The following SGCD variants were observed in gnomAD, a reference collection of about 807,000 sequenced individuals.
SGCD encodes sarcoglycan delta, also known as delta-sarcoglycan.
A neutral mutation model predicts 36.6 loss-of-function variants in SGCD; 18 were observed. That is an observed-to-expected ratio of 0.49 (90% CI 0.34 to 0.73). The LOEUF is 0.73. SGCD is among the 30% of genes least tolerant of loss of function. The pLI, the probability that SGCD is intolerant of heterozygous loss-of-function variation, is 0.01. For missense variants in SGCD, 387 were observed against 346.7 expected, an observed-to-expected ratio of 1.12 and a Z score of -0.92; for synonymous variants, 133 against 130.6, an observed-to-expected ratio of 1.02 and a Z score of -0.12.
the SGCD span, among the ~76,000 whole-genome samples, chr5:155,800,588 T>TTG: frequency 3.6e-4 from 2 of 5,554 alleles, no homozygotes. Context: ...GCTTATAACA[T>TTG]TTTTTTTTCA....
chr5:155,826,574 G>A, the SGCD span, among the ~76,000 whole-genome samples: 1 of 152,128 alleles, frequency 6.6e-6, no homozygotes, highest in African/African-American at 2.4e-5. Flanking sequence ...TGTTCCCTCT[G>A]TCTGAATGAC....
chr5:156,420,491 T>C (rs1286176294), intron 3 of SGCD, among the ~76,000 whole-genome samples: 1 of 152,170 alleles, frequency 6.6e-6, no homozygotes, highest in East Asian at 1.9e-4. Context: ...TATTACTTAT[T>C]TTGTGTGGAT....
chr5:156,416,064 C>G (rs1484145215), intron 3 of SGCD, among the ~76,000 whole-genome samples: 1 of 152,172 alleles, frequency 6.6e-6, no homozygotes, highest in Non-Finnish European at 1.5e-5. Flanking sequence ...TAATAATCAT[C>G]ACTGCACATA....
intron 1 of SGCD, among the ~76,000 whole-genome samples, chr5:156,028,911 C>G (rs759334284): frequency 7.9e-5 from 12 of 152,092 alleles, no homozygotes; most frequent in Admixed American, 2.0e-4. Flanking sequence ...CCACTCAGCA[C>G]GAAATCACAA....
chr5:155,765,258 C>A, the SGCD span, among the ~76,000 whole-genome samples: 3 of 146,544 alleles, frequency 2.0e-5, no homozygotes, highest in African/African-American at 5.1e-5. Context: ...GCAGTCTGGG[C>A]AATAGGGCAA....
intron 1 of SGCD, among the ~76,000 whole-genome samples, chr5:156,327,732 T>C (rs1580824848): frequency 6.6e-6 from 1 of 152,220 alleles, no homozygotes; most frequent in Non-Finnish European, 1.5e-5. Context: ...GATGACACTT[T>C]CAGAGTGTCG....
At chr5:155,965,531 T>G (rs866817970) in intron 1 of SGCD, among the ~76,000 whole-genome samples, 29 of 152,212 alleles carry the variant, frequency 1.9e-4, no homozygotes, top group Middle Eastern at 3.4e-3. Flanking sequence ...AGCATTACAC[T>G]GAAGGGTGTA....
chr5:156,729,345 C>T (rs1264908335), intron 7 of SGCD, among the ~76,000 whole-genome samples: 2 of 152,082 alleles, frequency 1.3e-5, no homozygotes, highest in Non-Finnish European at 2.9e-5. Context: ...CCTTAGTTTA[C>T]TCTCTATCTC....
intron 7 of SGCD, among the ~76,000 whole-genome samples, chr5:156,715,049 A>G (rs1256455487): frequency 1.3e-5 from 2 of 152,218 alleles, no homozygotes; most frequent in Non-Finnish European, 2.9e-5. Context: ...ATTGAGCCAT[A>G]GAAGTTGACA....
At chr5:156,522,736 TAA>T (rs11351184) in intron 4 of SGCD, among the ~76,000 whole-genome samples, 78 of 145,900 alleles carry the variant, frequency 5.3e-4, no homozygotes, top group African/African-American at 8.4e-4. Flanking sequence ...CCCCAGCACT[TAA>T]AAAAAAAAAA....
At chr5:156,188,061 G>A (rs991611) in intron 3 of SGCD, among the ~76,000 whole-genome samples, 43,755 of 152,010 alleles carry the variant, frequency 0.29, 6,755 homozygotes, top group East Asian at 0.6. Flanking sequence ...TAGTGCAGGG[G>A]GGCCTAAGAG....
At chr5:156,748,984 C>T (rs1015740362) in intron 7 of SGCD, among the ~76,000 whole-genome samples, 3 of 151,838 alleles carry the variant, frequency 2.0e-5, no homozygotes, top group Non-Finnish European at 4.4e-5. Context: ...AGGCTGGTCT[C>T]GAAATGCTGA....
chr5:156,078,539 T>TTA (rs1328874038), intron 1 of SGCD, among the ~76,000 whole-genome samples: 16 of 139,552 alleles, frequency 1.1e-4, no homozygotes, highest in African/African-American at 4.0e-4. Flanking sequence ...ATATATATAT[T>TTA]TATTTATATA....
chr5:156,069,990 G>A (rs1241753407), intron 1 of SGCD, among the ~76,000 whole-genome samples: 1 of 152,026 alleles, frequency 6.6e-6, no homozygotes, highest in Non-Finnish European at 1.5e-5. Flanking sequence ...TGTATCCTGA[G>A]AGTTTACCAA....
chr5:156,339,885 A>G (rs897957405), intron 2 of SGCD, among the ~76,000 whole-genome samples: 2 of 152,228 alleles, frequency 1.3e-5, no homozygotes, highest in Admixed American at 6.5e-5. Context: ...TAACTGCCTC[A>G]CATACATTTT....
At chr5:156,383,967 G>A (rs1288792294) in intron 3 of SGCD, among the ~76,000 whole-genome samples, 3 of 152,188 alleles carry the variant, frequency 2.0e-5, no homozygotes, top group Admixed American at 1.3e-4. Context: ...TTGACTGAAT[G>A]TCAAGTCTTC....
At chr5:156,621,003 GGAAGTAGCATCAACAA>G (rs1762224618) in intron 6 of SGCD, among the ~76,000 whole-genome samples, 1 of 152,184 alleles carries the variant, frequency 6.6e-6, no homozygotes, top group Non-Finnish European at 1.5e-5. Context: ...AAAAATGAAA[GGAAGTAGCATCAACAA>G]GAAGCTTCTT....
the SGCD span, among the ~76,000 whole-genome samples, chr5:155,784,174 C>A: frequency 1.3e-5 from 2 of 152,110 alleles, no homozygotes; most frequent in Non-Finnish European, 2.9e-5. Flanking sequence ...AGCCTGGCAC[C>A]CCTCTAGGCC....
At chr5:156,042,308 G>A (rs1017246128) in intron 1 of SGCD, among the ~76,000 whole-genome samples, 9 of 151,968 alleles carry the variant, frequency 5.9e-5, no homozygotes, top group Admixed American at 2.0e-4. Context: ...CTGAAGAACT[G>A]AGAGGCTAAT....
Sources: allele counts gnomAD v4.1 joint callset (sites outside exome capture counted in the v4.1 genomes callset), GRCh38; gene constraint gnomAD v4.1.1; transcripts MANE v1.5; gene names NCBI Gene and HGNC (gene_info 2026-07-23, HGNC 2026-07-21).